The following NBPF12 variants were observed in gnomAD, a reference collection of about 807,000 sequenced individuals.
NBPF12 encodes the protein NBPF family member NBPF12.
A neutral mutation model predicts 146.4 loss-of-function variants in NBPF12; 115 were observed. The observed-to-expected ratio is 0.79, with a 90% CI of 0.68 to 0.92. NBPF12 has a LOEUF of 0.92. NBPF12 is among the 40% of genes least tolerant of loss of function. The probability of loss-of-function intolerance (pLI) is 0.00; values close to 1 mark genes in which losing one functional copy is unlikely to be tolerated. For synonymous variants in NBPF12, 385 were observed against 508.9 expected (o/e 0.76, Z 3.28); for missense variants, 1,205 against 1,326.8 (o/e 0.91, Z 1.43).
At chr1:146,964,899 G>C (rs1553885367) in exon 8 of NBPF12, 34,301 of 1,595,668 alleles carry the variant, frequency 0.021, 531 homozygotes, top group Non-Finnish European at 0.023. Context: ...TCAGGGAGGT[G>C]CAGAAGGCTG....
chr1:146,941,737 G>T, intron 1 of NBPF12, among the ~76,000 whole-genome samples: 1 of 127,920 alleles, frequency 7.8e-6, no homozygotes, highest in East Asian at 2.4e-4. Flanking sequence ...CTGGTTGACA[G>T]AGCAAGACTC....
intron 13 of NBPF12, among the ~76,000 whole-genome samples, chr1:146,972,538 T>C (rs1399654810): frequency 1.4e-3 from 205 of 145,908 alleles, no homozygotes; most frequent in African/African-American, 2.5e-3. Context: ...AAGAAAAGTG[T>C]AGAAGTGTTT....
chr1:146,963,626 A>G lies in NBPF12; in HGVS notation c.493+317A>G, dbSNP rs1270974328. The stretch of plus-strand genomic sequence containing the variant: ...GTTGGAGTGAAAAGAGCTCTGGGCT[A>G]AGAATGAAGGTTCCCAGGCTGTCTT... On this transcript the variant is annotated intron_variant, in intron 6 of 33. Transcript: ENST00000617844. Among the ~76,000 whole-genome samples, 3 of 152,070 alleles carry G rather than the reference A, an allele frequency of 2.0e-5. No individual in the cohort carries two copies. In the East Asian group the frequency reaches 5.8e-4, roughly 29 times the overall value.
At chr1:146,981,535 G>C (rs1283343838) in intron 19 of NBPF12, among the ~76,000 whole-genome samples, 7 of 151,248 alleles carry the variant, frequency 4.6e-5, no homozygotes, top group Non-Finnish European at 1.0e-4. Context: ...ATGTGTCCCG[G>C]GGTTGCTCTT....
chr1:146,970,816 G>A lies in NBPF12; in HGVS notation c.1379+97G>A, dbSNP rs1387947746. 1.0e-4 allele frequency: 112 copies of A among 1,117,240 alleles called. 1 individual carries two copies. The East Asian group carries it at 1.5e-3, about 15-fold the overall frequency. The allele number at this position is 1,117,240 out of a possible 1,614,324, so 69.2% of individuals were successfully genotyped here. The stretch of plus-strand genomic sequence containing the variant: ...GGCATCTATGATGGGCCAAAAGCCC[G>A]CATTCCCTTGGCCACAGTATGTGAA... On this transcript the variant is annotated intron_variant, in intron 12 of 33. Transcript: ENST00000617844.
In NBPF12 at chr1:146,956,496, G is replaced by A. The variant is rs1329778267; in HGVS notation, c.-183-3363G>A. On this transcript the variant is annotated intron_variant, in intron 2 of 33. Coordinates refer to ENST00000617844, the Ensembl canonical transcript of NBPF12. The stretch of plus-strand genomic sequence containing the variant: ...TTAAAGTGGTGCAGTCTGTTGTACC[G>A]AAATTATGCCTTTATAAAGTTGATT... 1.3e-4 allele frequency among the ~76,000 whole-genome samples: 20 copies of A among 151,070 alleles called. No homozygotes were observed. The South Asian group carries it at 1.5e-3, about 11-fold the overall frequency.
At chr1:146,981,265 G>T in intron 19 of NBPF12, among the ~76,000 whole-genome samples, 1 of 81,246 alleles carries the variant, frequency 1.2e-5, no homozygotes, top group South Asian at 3.6e-4. Flanking sequence ...TGTACCCTAA[G>T]ACTTAAAGTA....
At position 146,973,924 on chromosome 1, in the gene NBPF12, C is replaced by T. The variant is rs1432190292; in HGVS notation, c.1802-815C>T. Among the ~76,000 whole-genome samples, 1,440 of 150,746 alleles carry T rather than the reference C, an allele frequency of 9.6e-3. 64 individuals carry two copies. Among genetic ancestry groups the T allele is most frequent in the African/African-American group, 0.034 (1,368 of 40,432 alleles). On this transcript the variant is annotated intron_variant, in intron 14 of 33. Coordinates refer to ENST00000617844, the Ensembl canonical transcript of NBPF12. Reference sequence around the variant, plus strand: ...CGCACCCGAGAATGTGTGGAGGTAGCAGTGCAGTGTACAGAGCAGGGACCA... The same window carrying T: ...CGCACCCGAGAATGTGTGGAGGTAGTAGTGCAGTGTACAGAGCAGGGACCA...
intron 23 of NBPF12, among the ~76,000 whole-genome samples, chr1:146,986,060 C>T (rs1268603266): frequency 6.6e-6 from 1 of 151,816 alleles, no homozygotes; most frequent in African/African-American, 2.4e-5. Context: ...CACTGTGTGT[C>T]CCGAGGGCAC....
chr1:146,972,703 A>T, intron 13 of NBPF12, 48 bp from the exon 17 acceptor site: 2 of 1,387,728 alleles, frequency 1.4e-6, no homozygotes, highest in East Asian at 4.6e-5. Context: ...AGCCTATTTC[A>T]TTTCATCAGT....
At chr1:146,961,720 A>G (rs1282365527) in intron 4 of NBPF12, among the ~76,000 whole-genome samples, 1 of 152,048 alleles carries the variant, frequency 6.6e-6, no homozygotes, top group East Asian at 1.9e-4. Flanking sequence ...AGTCCTTGAC[A>G]TATTTGTCCT....
At chr1:146,994,429 G>T (rs782224454) in exon 34 of NBPF12, 3 of 1,612,054 alleles carry the variant, frequency 1.9e-6, no homozygotes, top group Non-Finnish European at 2.5e-6. Flanking sequence ...TGAACTACCT[G>T]ACTCATTCCA....
intron 2 of NBPF12, among the ~76,000 whole-genome samples, chr1:146,956,165 A>G (rs1363026349): frequency 6.6e-6 from 1 of 151,848 alleles, no homozygotes; most frequent in Non-Finnish European, 1.5e-5. Flanking sequence ...ACAAACATAC[A>G]TGGTATAGCC....
At chr1:146,948,663 A>T (rs1186814364), upstream of NBPF12, among the ~76,000 whole-genome samples, 1 of 152,022 alleles carries the variant, frequency 6.6e-6, no homozygotes, top group Non-Finnish European at 1.5e-5. Flanking sequence ...GTTTCTCCCC[A>T]TGTGATAGTC....
rs1655549449 is a variant in NBPF12, at chr1:146,955,645, T to C, written c.-184+4156T>C. On this transcript the variant is annotated intron_variant, in intron 2 of 33. Transcript: ENST00000617844. Reference sequence around the variant, plus strand: ...GCATTCATCTAAATACATAAGTGATTAACTTCTTTTAATCTATAACTAAGT... The same window carrying C: ...GCATTCATCTAAATACATAAGTGATCAACTTCTTTTAATCTATAACTAAGT... Among the ~76,000 whole-genome samples the C allele has an allele frequency of 3.4e-5, 5 of 146,596 alleles. No homozygotes were observed. In the South Asian group the frequency reaches 8.7e-4, roughly 25 times the overall value.
intron 9 of NBPF12, 23 bp downstream of exon 12, chr1:146,966,696 C>A: frequency 2.5e-6 from 3 of 1,217,872 alleles, no homozygotes; most frequent in South Asian, 1.2e-5. Context: ...GGCTCACCAT[C>A]ACGAAAGTGA....
chr1:146,938,456 C>T (rs1333664684), upstream of NBPF12, among the ~76,000 whole-genome samples: 1 of 152,104 alleles, frequency 6.6e-6, no homozygotes, highest in East Asian at 1.9e-4. Context: ...CCGGGGAAAT[C>T]GGCGAATTGC....
At chr1:146,995,489 TG>T (rs2101944302) in exon 34 of NBPF12, 1 of 150,428 alleles carries the variant, frequency 6.6e-6, no homozygotes, top group South Asian at 2.1e-4. Context: ...ATAATGTAGC[TG>T]CATTTCTTTA....
At chr1:146,994,408 T>G (rs1658402828) in exon 34 of NBPF12, 1 of 1,612,340 alleles carries the variant, frequency 6.2e-7, no homozygotes, top group Non-Finnish European at 8.5e-7. Flanking sequence ...TTCGACTCCA[T>G]CAATGTACTT....
Sources: allele counts gnomAD v4.1 joint callset (sites outside exome capture counted in the v4.1 genomes callset), GRCh38; gene constraint gnomAD v4.1.1; transcripts MANE v1.5; gene names NCBI Gene and HGNC (gene_info 2026-07-23, HGNC 2026-07-21).